Variants in RHBDD1 observed in about 807,000 individuals in gnomAD.
RHBDD1 encodes rhomboid domain containing 1, also known as rhomboid-related protein 4.
Under a neutral mutation model 36.3 loss-of-function variants are expected in RHBDD1, and 38 were observed. That is an observed-to-expected ratio of 1.05 (90% CI 0.81 to 1.37). RHBDD1 has a LOEUF of 1.37. RHBDD1 is among the 40% of genes most tolerant of loss of function. The pLI is 0.00. For synonymous variants in RHBDD1, 151 were observed against 136.5 expected, an observed-to-expected ratio of 1.11 and a Z score of -0.74; for missense variants, 393 against 377.6, an observed-to-expected ratio of 1.04 and a Z score of -0.34.
At chr2:226,859,442 C>T (rs1359978911) in intron 3 of RHBDD1, among the ~76,000 whole-genome samples, 1 of 152,118 alleles carries the variant, frequency 6.6e-6, no homozygotes, top group Admixed American at 6.5e-5. Flanking sequence ...AAATACTACA[C>T]TGTTTTATGT....
At chr2:226,955,955 G>A (rs1312069737) in intron 8 of RHBDD1, among the ~76,000 whole-genome samples, 4 of 152,144 alleles carry the variant, frequency 2.6e-5, no homozygotes, top group Non-Finnish European at 4.4e-5. Context: ...ATTATCTACC[G>A]AGTGCTTAGC....
rs202117444 is a variant in RHBDD1, at chr2:226,995,459, C to T, written c.885C>T (p.Tyr295=). The change falls in exon 9 of 9, where the codon TAC becomes TAT. Residue 295 remains tyrosine (Y), a synonymous_variant. Coordinates refer to ENST00000392062, the MANE Select transcript of RHBDD1 (RefSeq NM_001167608.3). ...ATACCAGAAATAGCCCACCACCCTA[C>T]GGGTTTCATCTCTCACCAGAAGAAA... ...RGNTRNSPPP[Y]GFHLSPEEMR... The T allele has an allele frequency of 1.2e-5, 19 of 1,612,794 alleles. No homozygotes were observed. The highest frequency in any genetic ancestry group is 5.0e-5 in the Admixed American group (3 of 59,952).
Position 226,838,139 on chromosome 2 carries a change from C to T in RHBDD1, c.-325C>T, listed in dbSNP as rs1941193345. ...GCAGCTGCTCTAAAGGCTACATTCA[C>T]TGCAATGTTGAGAAGGTCAGTGCCA... On this transcript the variant is annotated 5_prime_UTR_variant, in exon 2 of 9. Coordinates refer to ENST00000392062, the MANE Select transcript of RHBDD1 (RefSeq NM_001167608.3). The T allele has an allele frequency of 6.6e-6, 1 of 152,170 alleles. No homozygotes were observed. Among genetic ancestry groups the T allele is most frequent in the Non-Finnish European group, 1.5e-5 (1 of 68,054 alleles). 9.4% of individuals were successfully genotyped at this position (152,170 alleles called of 1,614,324 possible).
At chr2:226,974,941 C>T (rs968856143) in intron 8 of RHBDD1, among the ~76,000 whole-genome samples, 2 of 152,192 alleles carry the variant, frequency 1.3e-5, no homozygotes, top group Non-Finnish European at 2.9e-5. Context: ...AGGCTGTGCT[C>T]CTGTGGCACA....
At chr2:226,956,878 A>G (rs962849958) in intron 8 of RHBDD1, among the ~76,000 whole-genome samples, 2 of 152,166 alleles carry the variant, frequency 1.3e-5, no homozygotes, top group Non-Finnish European at 2.9e-5. Flanking sequence ...GTGATGTTTC[A>G]AGGCCAAATC....
intron 3 of RHBDD1, among the ~76,000 whole-genome samples, chr2:226,858,837 C>G (rs1197595589): frequency 1.3e-5 from 2 of 152,170 alleles, no homozygotes; most frequent in African/African-American, 4.8e-5. Context: ...TTCCATTTCT[C>G]TCTGCCACAA....
chr2:226,952,131 C>G (rs996121103), intron 8 of RHBDD1, among the ~76,000 whole-genome samples: 2 of 152,118 alleles, frequency 1.3e-5, no homozygotes, highest in Non-Finnish European at 2.9e-5. Context: ...GCTCTATAAG[C>G]TCCCCAGGTG....
intron 5 of RHBDD1, among the ~76,000 whole-genome samples, chr2:226,868,716 A>T (rs528127851): frequency 1.8e-4 from 28 of 152,288 alleles, no homozygotes; most frequent in African/African-American, 6.7e-4. Flanking sequence ...CGGTAACTCC[A>T]GGTCCTTCTT....
chr2:226,925,585 T>G (rs550093612), intron 8 of RHBDD1, among the ~76,000 whole-genome samples: 1 of 152,330 alleles, frequency 6.6e-6, no homozygotes, highest in African/African-American at 2.4e-5. Flanking sequence ...GACAAATGTC[T>G]TCTTGATTCT....
intron 3 of RHBDD1, among the ~76,000 whole-genome samples, chr2:226,858,532 T>C (rs543226998): frequency 6.6e-6 from 1 of 152,334 alleles, no homozygotes; most frequent in East Asian, 1.9e-4. Flanking sequence ...AATTTAATGG[T>C]CTCAATTCTT....
At chr2:226,832,804 T>TAA, upstream of RHBDD1, among the ~76,000 whole-genome samples, 1 of 152,052 alleles carries the variant, frequency 6.6e-6, no homozygotes, top group South Asian at 2.1e-4. Flanking sequence ...GGTCAGGAGT[T>TAA]TGAGATCAGC....
intron 8 of RHBDD1, among the ~76,000 whole-genome samples, chr2:226,930,131 CTG>C (rs1949933339): frequency 6.6e-6 from 1 of 151,912 alleles, no homozygotes; most frequent in South Asian, 2.1e-4. Context: ...GATACTAACA[CTG>C]TTTTTCACAG....
chr2:226,948,568 A>T (rs1210148481), intron 8 of RHBDD1, among the ~76,000 whole-genome samples: 1 of 97,482 alleles, frequency 1.0e-5, no homozygotes. Context: ...AAAGTATAAA[A>T]AAAAAAAAAA....
At chr2:226,815,752 G>C in the RHBDD1 span, among the ~76,000 whole-genome samples, 1 of 152,046 alleles carries the variant, frequency 6.6e-6, no homozygotes, top group South Asian at 2.1e-4. Flanking sequence ...CACTATATTT[G>C]TTTCTGGCAA....
intron 3 of RHBDD1, among the ~76,000 whole-genome samples, chr2:226,840,227 C>T (rs544230235): frequency 5.7e-4 from 86 of 152,004 alleles, no homozygotes; most frequent in Non-Finnish European, 6.2e-4. Flanking sequence ...TTTCAAAGCC[C>T]ATAGATAACT....
intron 8 of RHBDD1, chr2:226,988,544 C>T: frequency 6.9e-7 from 1 of 1,441,452 alleles, no homozygotes; most frequent in Non-Finnish European, 9.1e-7. Flanking sequence ...GCCAGGCTGG[C>T]CCTCTCTGCG....
rs142019821 is a variant in RHBDD1 at position 226,872,414 on chromosome 2, A to G, written c.566+5096A>G. On this transcript the variant is annotated intron_variant, in intron 5 of 8. Transcript: ENST00000392062. ...TTTTTCATATGAAAATAACCTGGCAATAGTATTTCCGTAGAGAGAACATCA... is the reference window on the plus strand; with the variant it reads ...TTTTTCATATGAAAATAACCTGGCAGTAGTATTTCCGTAGAGAGAACATCA... Among the ~76,000 whole-genome samples, 1,051 of 152,308 alleles carry G rather than the reference A, an allele frequency of 6.9e-3. 7 individuals are homozygous for G. The highest frequency in any genetic ancestry group is 0.024 in the African/African-American group (999 of 41,558).
intron 5 of RHBDD1, among the ~76,000 whole-genome samples, chr2:226,890,896 A>G (rs910542697): frequency 6.6e-6 from 1 of 152,198 alleles, no homozygotes; most frequent in Non-Finnish European, 1.5e-5. Flanking sequence ...AAAATTTCTA[A>G]TGGTGTACTT....
At position 226,864,842 on chromosome 2, in the gene RHBDD1, A is replaced by G. The variant is rs778444180; in HGVS notation, c.149A>G (p.Tyr50Cys). The stretch of plus-strand genomic sequence containing the variant: ...TTCTTGAACCCTCAGAAGCCACTGT[A>G]TAGCTCCTGCCTTAGTGTGGAGAAG... ...WFFLNPQKPL[Y>C]SSCLSVEKCY... Residue 50 changes from tyrosine to cysteine, a missense_variant, in exon 4 of 9, where the codon TAT becomes TGT. By Grantham distance (194) the Tyr-to-Cys change is radical. Coordinates refer to ENST00000392062, the MANE Select transcript of RHBDD1 (RefSeq NM_001167608.3). The G allele has an allele frequency of 1.9e-6, 3 of 1,614,100 alleles. No individual in the cohort carries two copies. The highest frequency in any genetic ancestry group is 2.5e-6 in the Non-Finnish European group (3 of 1,180,048).
Sources: allele counts gnomAD v4.1 joint callset (sites outside exome capture counted in the v4.1 genomes callset), GRCh38; gene constraint gnomAD v4.1.1; transcripts MANE v1.5; gene names NCBI Gene and HGNC (gene_info 2026-07-23, HGNC 2026-07-21).